Variants in NHSL1 observed in about 807,000 individuals in gnomAD.
NHSL1 encodes the protein NHS like 1.
Under a neutral mutation model 95.0 loss-of-function variants are expected in NHSL1, and 48 were observed. The ratio of observed to expected loss-of-function variants is 0.51; its 90% CI spans 0.40 to 0.64. The LOEUF is 0.64. Ranked by LOEUF, NHSL1 falls within the 30% of genes least tolerant of loss-of-function variation. The probability of loss-of-function intolerance (pLI) is 0.00; values close to 1 mark genes in which losing one functional copy is unlikely to be tolerated. For missense variants in NHSL1, 1,971 were observed against 2,077.7 expected, an observed-to-expected ratio of 0.95 and a Z score of 1.00; for synonymous variants, 783 against 833.9, an observed-to-expected ratio of 0.94 and a Z score of 1.05.
chr6:138,651,580 G>A (rs879626657), intron 1 of NHSL1, among the ~76,000 whole-genome samples: 7 of 152,158 alleles, frequency 4.6e-5, no homozygotes, highest in African/African-American at 7.2e-5. Flanking sequence ...GAAGGTGAAC[G>A]GAAAGGAATG....
intron 1 of NHSL1, among the ~76,000 whole-genome samples, chr6:138,627,750 G>A (rs575148366): frequency 3.0e-4 from 45 of 151,874 alleles, no homozygotes; most frequent in African/African-American, 1.0e-3. Flanking sequence ...GCGTGGTGGC[G>A]GGCGCCTGTA....
intron 1 of NHSL1, among the ~76,000 whole-genome samples, chr6:138,504,773 G>A (rs146721531): frequency 1.3e-5 from 2 of 152,290 alleles, no homozygotes; most frequent in African/African-American, 2.4e-5. Flanking sequence ...GACCAGAGGC[G>A]GGGAGAGAAA....
At chr6:138,572,886 G>GATAGATAGATAC (rs1450739683), upstream of NHSL1, among the ~76,000 whole-genome samples, 3 of 149,382 alleles carry the variant, frequency 2.0e-5, no homozygotes, top group African/African-American at 7.3e-5. Context: ...TAGATAGATA[G>GATAGATAGATAC]ATACATCCAA....
intron 1 of NHSL1, chr6:138,691,834 A>G (rs546971892): frequency 1.3e-5 from 6 of 451,374 alleles, no homozygotes; most frequent in African/African-American, 1.2e-4. Flanking sequence ...AATGGGATTC[A>G]GAGCCTGAAC....
intron 1 of NHSL1, among the ~76,000 whole-genome samples, chr6:138,639,562 A>T (rs1355019654): frequency 1.3e-5 from 2 of 151,874 alleles, no homozygotes; most frequent in Admixed American, 1.3e-4. Flanking sequence ...GAATGGCATG[A>T]ACCTGGGAGG....
chr6:138,431,814 CTG>C lies in NHSL1; in HGVS notation c.2529_2530del (p.His843GlnfsTer65). On this transcript the variant is annotated frameshift_variant, in exon 6 of 8. Transcript: ENST00000343505. LOFTEE classifies it high-confidence loss of function. The surrounding 1 kb of genome is among the most constrained non-coding windows in gnomAD (Gnocchi z 4.0). The stretch of plus-strand genomic sequence containing the variant: ...ATACCCACTGGATGGAGAAATGACT[CTG>C]TGTGACTTCTCTGGTGACATGATCT... 6.4e-7 allele frequency: 1 copy of C among 1,551,716 alleles called. No individual in the cohort carries two copies. Among genetic ancestry groups the C allele is most frequent in the Non-Finnish European group, 8.7e-7 (1 of 1,146,994 alleles).
intron 1 of NHSL1, among the ~76,000 whole-genome samples, chr6:138,523,141 C>A (rs1781752053): frequency 6.6e-6 from 1 of 151,254 alleles, no homozygotes; most frequent in Non-Finnish European, 1.5e-5. Flanking sequence ...GCAGAATATA[C>A]CCACTAAGGT....
At chr6:138,627,159 C>T (rs1784751365) in intron 1 of NHSL1, among the ~76,000 whole-genome samples, 1 of 152,094 alleles carries the variant, frequency 6.6e-6, no homozygotes, top group African/African-American at 2.4e-5. Context: ...TATGTCAAAC[C>T]TGTTCCCAAA....
At chr6:138,503,521 T>C (rs1210862344), upstream of NHSL1, among the ~76,000 whole-genome samples, 1 of 152,182 alleles carries the variant, frequency 6.6e-6, no homozygotes, top group Non-Finnish European at 1.5e-5. Context: ...AAAGTTGTAA[T>C]GGAACACCAC....
chr6:138,512,149 T>C (rs901810930), intron 1 of NHSL1: 1 of 342,824 alleles, frequency 2.9e-6, no homozygotes, highest in African/African-American at 2.2e-5. Context: ...TAATTAAGTA[T>C]ACATTTAGGC....
At chr6:138,611,792 A>T (rs562095426) in intron 1 of NHSL1, among the ~76,000 whole-genome samples, 1 of 151,644 alleles carries the variant, frequency 6.6e-6, no homozygotes, top group East Asian at 1.9e-4. Flanking sequence ...CTGCCTAAAG[A>T]CCTAGAAATA....
At chr6:138,645,638 GCT>G (rs1785010550) in intron 1 of NHSL1, among the ~76,000 whole-genome samples, 1 of 151,692 alleles carries the variant, frequency 6.6e-6, no homozygotes, top group African/African-American at 2.4e-5. Flanking sequence ...CTTCCGAGTA[GCT>G]GGGACTACAG....
At chr6:138,513,522 GAA>G (rs1781324631) in intron 1 of NHSL1, among the ~76,000 whole-genome samples, 1 of 152,044 alleles carries the variant, frequency 6.6e-6, no homozygotes, top group African/African-American at 2.4e-5. Context: ...GTAACTTTTT[GAA>G]AAGTTTCCCT....
chr6:138,667,712 C>T (rs1785313000), intron 1 of NHSL1, among the ~76,000 whole-genome samples: 1 of 152,202 alleles, frequency 6.6e-6, no homozygotes, highest in East Asian at 1.9e-4. Context: ...CTTTAATTGC[C>T]TGCTCAGGGA....
At chr6:138,533,473 G>A (rs1050359220) in intron 1 of NHSL1, among the ~76,000 whole-genome samples, 6 of 152,038 alleles carry the variant, frequency 3.9e-5, no homozygotes, top group Non-Finnish European at 5.9e-5. Context: ...GCTTGAACCT[G>A]GGAGGTGGAG....
intron 2 of NHSL1, among the ~76,000 whole-genome samples, chr6:138,489,935 GGGGAGAGAGGGAGAGAAGGAGAGA>G (rs1779965789): frequency 2.5e-5 from 1 of 40,356 alleles, no homozygotes; most frequent in Non-Finnish European, 4.4e-5. Context: ...GGGGAGACAG[GGGGAGAGAGGGAGAGAAGGAGAGA>G]GGGAGAGGGG....
chr6:138,577,379 A>G (rs981693420), upstream of NHSL1, among the ~76,000 whole-genome samples: 4 of 152,210 alleles, frequency 2.6e-5, no homozygotes, highest in Admixed American at 1.3e-4. Context: ...TTCCATGTGT[A>G]GCTTGCCTGC....
chr6:138,499,150 C>CAA, intron 1 of NHSL1, 83 bp downstream of exon 1: 2 of 884,240 alleles, frequency 2.3e-6, no homozygotes, highest in South Asian at 1.6e-5. Flanking sequence ...CACACACACA[C>CAA]ACACACACAG....
In NHSL1 at chr6:138,496,362, T is replaced by C. The variant is rs1301921635; in HGVS notation, c.68A>G (p.Asn23Ser). The C allele has an allele frequency of 4.5e-6, 7 of 1,550,048 alleles. No homozygotes were observed. Among genetic ancestry groups the C allele is most frequent in the Non-Finnish European group, 5.2e-6 (6 of 1,146,842 alleles). Reference protein sequence around the residue: ...IKLFKKKTVSNLDEESRWTVH... With the variant: ...IKLFKKKTVSSLDEESRWTVH... ...TGTCCATCGGCTTTCCTCATCTAGG[T>C]TGGAAACCGCTATAGAAAAAAAGAT... Residue 23 changes from asparagine to serine, a missense_variant, in exon 2 of 8, where the codon AAC becomes AGC. Physicochemically the swap from Asn to Ser is conservative, Grantham distance 46 (BLOSUM62 1). Transcript: ENST00000343505.
Sources: gnomAD v4.1 joint callset for allele counts (sites outside exome capture counted in the v4.1 genomes callset) on GRCh38, gnomAD v4.1.1 for gene constraint, Gnocchi (gnomAD v3.1) non-coding constraint, MANE v1.5 for transcripts, NCBI Gene and HGNC (gene_info 2026-07-23, HGNC 2026-07-21) for gene names.